DHCR24: variants seen among roughly 807,000 people sequenced by gnomAD.
DHCR24 encodes delta(24)-sterol reductase.
In DHCR24, 28 loss-of-function variants were observed where a neutral mutation model predicts 61.2. The ratio of observed to expected loss-of-function variants is 0.46; its 90% CI spans 0.34 to 0.63. The LOEUF is 0.63. DHCR24 is among the 20% of genes least tolerant of loss of function. The pLI, the probability that DHCR24 is intolerant of heterozygous loss-of-function variation, is 0.01. For missense variants in DHCR24, 538 were observed against 679.1 expected (o/e 0.79, Z 2.31); for synonymous variants, 261 against 275.9 (o/e 0.95, Z 0.54).
chr1:54,857,081 C>T (rs1646911768), intron 6 of DHCR24, among the ~76,000 whole-genome samples: 1 of 152,232 alleles, frequency 6.6e-6, no homozygotes, highest in African/African-American at 2.4e-5. Context: ...CAGCTGAAAC[C>T]ATTCCTTTTC....
At position 54,883,937 on chromosome 1, in the gene DHCR24, G is replaced by A. The variant is rs1647078060; in HGVS notation, c.232-164C>T. 6.6e-6 allele frequency among the ~76,000 whole-genome samples: 1 copy of A among 152,220 alleles called. No individual in the cohort carries two copies. The highest frequency in any genetic ancestry group is 1.5e-5 in the Non-Finnish European group (1 of 68,036). ...GGCCCTACCCTCTGGCACCTCCCTG[G>A]CCAGCAAGGCTGACAGAAAAGCCAA... On this transcript the variant is annotated intron_variant, in intron 1 of 8. Coordinates refer to ENST00000371269, the MANE Select transcript of DHCR24 (RefSeq NM_014762.4). This position sits in a 1 kb window ranked among gnomAD's most constrained non-coding sequence, Gnocchi z 4.3.
intron 5 of DHCR24, among the ~76,000 whole-genome samples, chr1:54,868,918 T>G (rs1646982159): frequency 6.6e-6 from 1 of 151,920 alleles, no homozygotes; most frequent in Admixed American, 6.6e-5. Context: ...AATACCAAAA[T>G]CAGCCAGGTG....
intron 6 of DHCR24, 97 bp downstream of exon 6, chr1:54,865,206 T>C (rs911827250): frequency 3.4e-6 from 5 of 1,479,456 alleles, no homozygotes; most frequent in Non-Finnish European, 4.6e-6. Context: ...AGCCACTCTT[T>C]ACCCTGAAGG....
intron 5 of DHCR24, among the ~76,000 whole-genome samples, chr1:54,870,542 T>C (rs1646993186): frequency 6.6e-6 from 1 of 152,246 alleles, no homozygotes; most frequent in African/African-American, 2.4e-5. Flanking sequence ...TCCTCCTGTA[T>C]ACTTTAAATC....
intron 2 of DHCR24, among the ~76,000 whole-genome samples, chr1:54,880,017 T>C (rs566455015): frequency 5.0e-4 from 76 of 151,994 alleles, no homozygotes; most frequent in Non-Finnish European, 7.4e-4. Flanking sequence ...ATCAATGAAA[T>C]TGAAAACAAC....
intron 6 of DHCR24, among the ~76,000 whole-genome samples, chr1:54,856,957 C>A (rs1486252731): frequency 6.6e-6 from 1 of 152,196 alleles, no homozygotes; most frequent in East Asian, 1.9e-4. Flanking sequence ...AAATGAGACT[C>A]CTGGAGTTCT....
chr1:54,860,800 A>G (rs1355783316), intron 6 of DHCR24, among the ~76,000 whole-genome samples: 2 of 152,048 alleles, frequency 1.3e-5, no homozygotes, highest in Non-Finnish European at 1.5e-5. Context: ...CCTGGCTAAC[A>G]TGGTGAAACC....
Position 54,883,869 on chromosome 1 carries a change from C to T in DHCR24, c.232-96G>A, listed in dbSNP as rs1216355269. On this transcript the variant is annotated intron_variant, in intron 1 of 8. Coordinates refer to ENST00000371269, the MANE Select transcript of DHCR24 (RefSeq NM_014762.4). This position sits in a 1 kb window ranked among gnomAD's most constrained non-coding sequence, Gnocchi z 4.3. ...TTCAAGGGCGAGCTGGGAATGATGC[C>T]TCCATCAGGCACTGGAGAAACAGAA... 1.3e-6 allele frequency: 2 copies of T among 1,522,956 alleles called. No homozygotes were observed. Among genetic ancestry groups the T allele is most frequent in the Non-Finnish European group, 1.8e-6 (2 of 1,107,336 alleles). 94.3% of individuals were successfully genotyped at this position (1,522,956 alleles called of 1,614,324 possible).
intron 2 of DHCR24, among the ~76,000 whole-genome samples, chr1:54,878,077 G>C (rs996269954): frequency 6.6e-6 from 1 of 151,856 alleles, no homozygotes; most frequent in Admixed American, 6.6e-5. Flanking sequence ...GAGTACTGGA[G>C]AGGAGAGAGT....
At position 54,852,290 on chromosome 1, in the gene DHCR24, A is replaced by C. The variant is rs1646880247; in HGVS notation, c.1494T>G (p.Gly498=). The change falls in exon 9 of 9, where the codon GGT becomes GGG. Residue 498 remains glycine (G), a synonymous_variant. Transcript: ENST00000371269. ...ACACCTCGGGGAAGGCGTCCTGGCA[A>C]CCCAGCTTCTCTCGCAGCTTGTGGT... ...SLYHKLREKL[G]CQDAFPEVYD... 6.2e-7 allele frequency: 1 copy of C among 1,614,016 alleles called. No homozygotes were observed.
intron 5 of DHCR24, among the ~76,000 whole-genome samples, chr1:54,869,507 A>G (rs1419788865): frequency 6.6e-6 from 1 of 152,232 alleles, no homozygotes; most frequent in Non-Finnish European, 1.5e-5. Context: ...CATAAATGTC[A>G]GTAAGGGCTA....
rs79064185 is a variant in DHCR24 at position 54,853,755 on chromosome 1, C to T, written c.1219-143G>A. ...GGTGCTCTCAGCTTCACTGCCCCGC[C>T]CCCCAGCCCTGGCTGAGAACACCCT... On this transcript the variant is annotated intron_variant, in intron 7 of 8. Coordinates refer to ENST00000371269, the MANE Select transcript of DHCR24 (RefSeq NM_014762.4). The T allele has an allele frequency of 0.022, 22,086 of 1,009,172 alleles. 344 individuals are homozygous for T. Among genetic ancestry groups the T allele is most frequent in the Non-Finnish European group, 0.028 (18,876 of 676,472 alleles). The allele number at this position is 1,009,172 out of a possible 1,614,324, so 62.5% of individuals were successfully genotyped here. A position where few individuals can be genotyped will look rare whatever the true frequency, so the allele number is the denominator to read the frequency against.
At chr1:54,853,143 G>C (rs1343266071) in intron 8 of DHCR24, among the ~76,000 whole-genome samples, 1 of 151,834 alleles carries the variant, frequency 6.6e-6, no homozygotes, top group Non-Finnish European at 1.5e-5. Context: ...TGTTCCGTGG[G>C]GAGGAGTGGG....
At chr1:54,858,944 G>A (rs1189982548) in intron 6 of DHCR24, among the ~76,000 whole-genome samples, 5 of 152,078 alleles carry the variant, frequency 3.3e-5, no homozygotes, top group African/African-American at 7.2e-5. Context: ...CTTCTGTAGC[G>A]GTTTTAACAT....
chr1:54,860,427 G>A (rs1034243160), intron 6 of DHCR24, among the ~76,000 whole-genome samples: 1 of 152,096 alleles, frequency 6.6e-6, no homozygotes, highest in East Asian at 1.9e-4. Context: ...TCTTTAAGTG[G>A]TATCATTTTC....
intron 7 of DHCR24, 21 bp downstream of exon 7, chr1:54,854,016 T>TCCCTG (rs1216300414): frequency 1.2e-6 from 2 of 1,605,454 alleles, no homozygotes; most frequent in East Asian, 2.2e-5. Context: ...TGGTGCGCCC[T>TCCCTG]CCCTGCCCTG....
At chr1:54,862,355 T>C (rs537495687) in intron 6 of DHCR24, among the ~76,000 whole-genome samples, 2 of 152,322 alleles carry the variant, frequency 1.3e-5, no homozygotes, top group South Asian at 4.1e-4. Flanking sequence ...TTCACCCCTA[T>C]TGCTTAAAGT....
intron 2 of DHCR24, 151 bp from the exon 3 acceptor site, chr1:54,876,198 C>T (rs1030400006): frequency 4.5e-5 from 31 of 687,782 alleles, no homozygotes; most frequent in African/African-American, 4.5e-4. Flanking sequence ...TAGAACATTG[C>T]CTTTAATTAC....
At chr1:54,858,635 T>A (rs1646919954) in intron 6 of DHCR24, among the ~76,000 whole-genome samples, 1 of 152,126 alleles carries the variant, frequency 6.6e-6, no homozygotes, top group Non-Finnish European at 1.5e-5. Flanking sequence ...TTATTTTTAT[T>A]TTTATTTATT....
Sources: allele counts gnomAD v4.1 joint callset (sites outside exome capture counted in the v4.1 genomes callset), GRCh38; gene constraint gnomAD v4.1.1; non-coding constraint Gnocchi (gnomAD v3.1); transcripts MANE v1.5; gene names NCBI Gene and HGNC (gene_info 2026-07-23, HGNC 2026-07-21).